The following DNAH11 variants were observed in gnomAD, a reference collection of about 807,000 sequenced individuals.
DNAH11 encodes dynein axonemal heavy chain 11.
Under a neutral mutation model 526.0 loss-of-function variants are expected in DNAH11, and 442 were observed. The ratio of observed to expected loss-of-function variants is 0.84; its 90% CI spans 0.78 to 0.91. DNAH11 has a LOEUF of 0.91. DNAH11 is among the 40% of genes least tolerant of loss of function. The probability of loss-of-function intolerance (pLI) is 0.00; values close to 1 mark genes in which losing one functional copy is unlikely to be tolerated. For missense variants in DNAH11, 6,989 were observed against 5,448.7 expected (o/e 1.28, Z -8.90); for synonymous variants, 2,461 against 1,935.9 (o/e 1.27, Z -7.12).
intron 65 of DNAH11, among the ~76,000 whole-genome samples, chr7:21,824,523 A>T (rs191987537): frequency 1.3e-5 from 2 of 152,322 alleles, no homozygotes; most frequent in East Asian, 3.9e-4. Flanking sequence ...AAGATCAAAG[A>T]TCTGTCCCAT....
intron 36 of DNAH11, 143 bp downstream of exon 36, chr7:21,698,356 A>T: frequency 8.3e-7 from 1 of 1,199,538 alleles, no homozygotes; most frequent in Non-Finnish European, 1.2e-6. Context: ...AGTTTGGGGG[A>T]ACAGGTGTTT....
intron 39 of DNAH11, among the ~76,000 whole-genome samples, chr7:21,706,676 C>T (rs558288548): frequency 2.8e-4 from 42 of 152,284 alleles, no homozygotes; most frequent in Non-Finnish European, 4.9e-4. Flanking sequence ...TTCTAGTCTT[C>T]ACCAGTTCTG....
At chr7:21,830,000 G>C (rs1790478165) in intron 65 of DNAH11, among the ~76,000 whole-genome samples, 1 of 152,238 alleles carries the variant, frequency 6.6e-6, no homozygotes, top group African/African-American at 2.4e-5. Flanking sequence ...ATTTGAAGAA[G>C]TTAGACGTCT....
chr7:21,674,788 A>G (rs1010264664), intron 30 of DNAH11, among the ~76,000 whole-genome samples: 1 of 151,914 alleles, frequency 6.6e-6, no homozygotes, highest in African/African-American at 2.4e-5. Flanking sequence ...TCTCACACGC[A>G]CACCCAATCT....
chr7:21,586,051 A>G (rs941212906), intron 9 of DNAH11, among the ~76,000 whole-genome samples: 1 of 152,186 alleles, frequency 6.6e-6, no homozygotes, highest in East Asian at 1.9e-4. Context: ...CATGACAAAC[A>G]ATTACAATAA....
At chr7:21,628,701 T>C (rs1025046017) in intron 25 of DNAH11, among the ~76,000 whole-genome samples, 1 of 152,146 alleles carries the variant, frequency 6.6e-6, no homozygotes, top group African/African-American at 2.4e-5. Flanking sequence ...TAATATTTTG[T>C]AGAGAATTGT....
At chr7:21,756,442 A>G (rs1283877871) in intron 54 of DNAH11, among the ~76,000 whole-genome samples, 2 of 152,066 alleles carry the variant, frequency 1.3e-5, no homozygotes, top group Admixed American at 1.3e-4. Flanking sequence ...TTATAGCCCT[A>G]TAGTATATTC....
At chr7:21,899,527 T>C in intron 80 of DNAH11, 79 bp downstream of exon 80, 1 of 1,123,436 alleles carries the variant, frequency 8.9e-7, no homozygotes, top group South Asian at 1.4e-5. Flanking sequence ...TTACCTATGA[T>C]GGCGTCTCCT....
At chr7:21,697,985 A>T in intron 35 of DNAH11, 90 bp from the exon 36 acceptor site, 1 of 1,334,992 alleles carries the variant, frequency 7.5e-7, no homozygotes, top group South Asian at 1.4e-5. Flanking sequence ...GAATGGTTAA[A>T]ATGTTGGTAC....
At chr7:21,726,517 T>A (rs1200369802) in intron 45 of DNAH11, among the ~76,000 whole-genome samples, 2 of 152,002 alleles carry the variant, frequency 1.3e-5, no homozygotes, top group African/African-American at 4.8e-5. Context: ...TGTGTTAATA[T>A]GCTCAGCATA....
At position 21,606,432 on chromosome 7, in the gene DNAH11, C is replaced by G. The variant is rs1052272234; in HGVS notation, c.3655C>G (p.Pro1219Ala). Residue 1219 changes from proline to alanine, a missense_variant, in exon 19 of 82, where the codon CCT becomes GCT. By Grantham distance (27) the Pro-to-Ala change is conservative. Transcript: ENST00000409508. ...EQVYIQLEELPERWETTKKIA... is the reference protein window; with the variant it reads ...EQVYIQLEELAERWETTKKIA... ...TGTGCCTTTGCTTTTGCAGGAATTA[C>G]CTGAAAGATGGGAAACTACCAAAAA... is the stretch of plus-strand genomic sequence containing the variant. 1 of 1,605,430 alleles carries G rather than the reference C, an allele frequency of 6.2e-7. No homozygotes were observed. The highest frequency in any genetic ancestry group is 1.3e-5 in the African/African-American group (1 of 74,628).
At chr7:21,825,163 A>T (rs1316083841) in intron 65 of DNAH11, among the ~76,000 whole-genome samples, 1 of 152,068 alleles carries the variant, frequency 6.6e-6, no homozygotes, top group Non-Finnish European at 1.5e-5. Context: ...GAGCCACCAC[A>T]CCGGGTCTAT....
At chr7:21,553,493 T>C (rs1469404911) in intron 2 of DNAH11, among the ~76,000 whole-genome samples, 2 of 152,176 alleles carry the variant, frequency 1.3e-5, no homozygotes, top group African/African-American at 4.8e-5. Context: ...AAAATGTCAC[T>C]TCTTCTCCCT....
chr7:21,856,512 C>T (rs1485997076), intron 68 of DNAH11, among the ~76,000 whole-genome samples: 1 of 152,106 alleles, frequency 6.6e-6, no homozygotes, highest in Non-Finnish European at 1.5e-5. Flanking sequence ...TCCAAAACTA[C>T]ACTAAGGCAT....
chr7:21,550,066 G>T (rs7807219), intron 2 of DNAH11, among the ~76,000 whole-genome samples: 100,970 of 151,984 alleles, frequency 0.66, 35,400 homozygotes, highest in East Asian at 0.95. Context: ...ATGTTTTGTT[G>T]TTAGATTTTT....
Position 21,591,290 on chromosome 7 carries a change from G to T in DNAH11, c.2380G>T (p.Glu794Ter). Residue 794 changes from glutamate (E) to a stop codon, truncating the protein, a stop_gained, in exon 14 of 82, where the codon GAG becomes TAG. Coordinates refer to ENST00000409508, the MANE Select transcript of DNAH11 (RefSeq NM_001277115.2). LOFTEE classifies it high-confidence loss of function. ...LIEDELRAIDEQLTAATTWLT... is the reference protein window; with the variant it reads ...LIEDELRAID ...TGAAGATGAGCTGAGGGCTATTGAC[G>T]AGCAGCTGACAGCAGCCACAACGTG... 1 of 1,613,420 alleles carries T rather than the reference G, an allele frequency of 6.2e-7. No homozygotes were observed. The highest frequency in any genetic ancestry group is 8.5e-7 in the Non-Finnish European group (1 of 1,179,560).
At chr7:21,651,925 C>G (rs1018155404) in intron 28 of DNAH11, among the ~76,000 whole-genome samples, 4 of 152,236 alleles carry the variant, frequency 2.6e-5, no homozygotes, top group Admixed American at 6.5e-5. Flanking sequence ...AGCCACTGTG[C>G]TGCTTTTACT....
At chr7:21,603,806 T>C (rs1466226258) in intron 18 of DNAH11, among the ~76,000 whole-genome samples, 1 of 152,156 alleles carries the variant, frequency 6.6e-6, no homozygotes, top group Non-Finnish European at 1.5e-5. Context: ...TTAAACTATA[T>C]CTCATAGAGA....
At chr7:21,875,968 C>A (rs1783693897) in intron 74 of DNAH11, among the ~76,000 whole-genome samples, 1 of 148,098 alleles carries the variant, frequency 6.8e-6, no homozygotes, top group African/African-American at 2.5e-5. Context: ...ACTGCAAGCT[C>A]CGCCTCCCAG....
Sources: allele counts gnomAD v4.1 joint callset (sites outside exome capture counted in the v4.1 genomes callset), GRCh38; gene constraint gnomAD v4.1.1; transcripts MANE v1.5; gene names NCBI Gene and HGNC (gene_info 2026-07-23, HGNC 2026-07-21).